DAB2IP: variants seen among roughly 807,000 people sequenced by gnomAD.
The protein encoded by DAB2IP is DAB2 interacting protein, also known as disabled homolog 2-interacting protein.
A neutral mutation model predicts 107.2 loss-of-function variants in DAB2IP; 28 were observed. That is an observed-to-expected ratio of 0.26 (90% CI 0.19 to 0.36). DAB2IP has a LOEUF of 0.36. Among genes scored for constraint, DAB2IP ranks in the 10% least tolerant of loss-of-function variants. The pLI is 1.00. For synonymous variants in DAB2IP, 755 were observed against 706.4 expected, an observed-to-expected ratio of 1.07 and a Z score of -1.09; for missense variants, 1,400 against 1,644.7, an observed-to-expected ratio of 0.85 and a Z score of 2.57.
intron 1 of DAB2IP, chr9:121,598,276 C>T (rs922513181): frequency 1.3e-5 from 2 of 152,288 alleles, no homozygotes; most frequent in African/African-American, 4.8e-5. Flanking sequence ...GCCGAATTAA[C>T]TGGTTCTGTC....
intron 1 of DAB2IP, among the ~76,000 whole-genome samples, chr9:121,644,658 A>G (rs1832478241): frequency 1.3e-5 from 2 of 152,172 alleles, no homozygotes; most frequent in South Asian, 4.1e-4. Flanking sequence ...AAAAGAAAAG[A>G]GCCAGGAGGG....
chr9:121,661,042 C>T (rs1833178978), intron 1 of DAB2IP, among the ~76,000 whole-genome samples: 1 of 151,928 alleles, frequency 6.6e-6, no homozygotes, highest in Non-Finnish European at 1.5e-5. Context: ...GGGATAAGGC[C>T]CTTGGAAAGG....
At chr9:121,626,592 T>G (rs1831656266) in intron 1 of DAB2IP, among the ~76,000 whole-genome samples, 1 of 151,638 alleles carries the variant, frequency 6.6e-6, no homozygotes, top group African/African-American at 2.4e-5. Context: ...CCCAGCTAAT[T>G]TTTATAGTTT....
chr9:121,776,119 C>T lies in DAB2IP; in HGVS notation c.3121-79C>T. 6 of 1,503,852 alleles carry T rather than the reference C, an allele frequency of 4.0e-6. No homozygotes were observed. Among genetic ancestry groups the T allele is most frequent in the South Asian group, 2.5e-5 (2 of 79,156 alleles). The allele number at this position is 1,503,852 out of a possible 1,614,324, so 93.2% of individuals were successfully genotyped here. A position where few individuals can be genotyped will look rare whatever the true frequency, so the allele number is the denominator to read the frequency against. Reference sequence around the variant, plus strand: ...CCTTTCAAGTGGGGCTCCCTCCTACCCTTCCTCCCACTCGGGCTGACGAAG... The same window carrying T: ...CCTTTCAAGTGGGGCTCCCTCCTACTCTTCCTCCCACTCGGGCTGACGAAG... On this transcript the variant is annotated intron_variant, in intron 13 of 15. Coordinates refer to ENST00000408936, the Ensembl canonical transcript of DAB2IP. The surrounding 1 kb of genome is among the most constrained non-coding windows in gnomAD (Gnocchi z 5.4).
rs35510547 is a variant in DAB2IP at position 121,757,127 on chromosome 9, C to G, written c.477C>G (p.Pro159=). ...TGGAGGAAGAGGTGGTCATCAAGCCCGTGCACAGCAGCATCCTTGGCCAGG... is the reference window on the plus strand; with the variant it reads ...TGGAGGAAGAGGTGGTCATCAAGCCGGTGCACAGCAGCATCCTTGGCCAGG... The change falls in exon 4 of 16, where the codon CCC becomes CCG. Residue 159 remains proline, a synonymous_variant. Coordinates refer to ENST00000408936, the Ensembl canonical transcript of DAB2IP. 9.4e-3 allele frequency: 15,110 copies of G among 1,614,164 alleles called. 199 individuals carry two copies. The highest frequency in any genetic ancestry group is 0.044 in the South Asian group (4,026 of 91,072).
intron 1 of DAB2IP, among the ~76,000 whole-genome samples, chr9:121,585,189 A>G (rs964893437): frequency 1.3e-5 from 2 of 152,190 alleles, no homozygotes; most frequent in Non-Finnish European, 2.9e-5. Context: ...CCTCAATAAA[A>G]TGCGGCCAAC....
chr9:121,627,473 G>A (rs1831702274), intron 1 of DAB2IP, among the ~76,000 whole-genome samples: 1 of 152,030 alleles, frequency 6.6e-6, no homozygotes, highest in African/African-American at 2.4e-5. Context: ...CTGAAGGATA[G>A]CATGTAGAAG....
intron 2 of DAB2IP, among the ~76,000 whole-genome samples, chr9:121,685,695 CT>C (rs1828840694): frequency 6.6e-6 from 1 of 152,376 alleles, no homozygotes; most frequent in Admixed American, 6.5e-5. Flanking sequence ...TCATCACCAA[CT>C]ATGTGTCAGG....
intron 2 of DAB2IP, among the ~76,000 whole-genome samples, chr9:121,687,147 C>G (rs1828925708): frequency 6.6e-6 from 1 of 152,166 alleles, no homozygotes; most frequent in African/African-American, 2.4e-5. Flanking sequence ...GGAGCTGGCC[C>G]AACAAGGTGT....
In DAB2IP at chr9:121,782,388, CAGCTGAAAG is replaced by C; in HGVS notation, c.3463_3471del (p.Leu1155_Glu1157del). ...TGCCCGCCTCATGAGTGCCCTGACCCAGCTGAAAGAGAGGTACAGCATGCAAGCCCGTAA... is the reference window on the plus strand; with the variant it reads ...TGCCCGCCTCATGAGTGCCCTGACCCAGAGGTACAGCATGCAAGCCCGTAA... On this transcript the variant is annotated inframe_deletion, in exon 16 of 16. Coordinates refer to ENST00000408936, the Ensembl canonical transcript of DAB2IP. This position sits in a 1 kb window ranked among gnomAD's most constrained non-coding sequence, Gnocchi z 6.1. 1 of 1,614,090 alleles carries C rather than the reference CAGCTGAAAG, an allele frequency of 6.2e-7. No homozygotes were observed. The highest frequency in any genetic ancestry group is 1.1e-5 in the South Asian group (1 of 91,082).
chr9:121,717,822 G>A (rs1037102576), intron 3 of DAB2IP, among the ~76,000 whole-genome samples: 1 of 152,176 alleles, frequency 6.6e-6, no homozygotes, highest in Non-Finnish European at 1.5e-5. Context: ...CTGGTCCAGG[G>A]GGAGGGCAGG....
At chr9:121,614,337 C>CTT (rs35959966) in intron 1 of DAB2IP, among the ~76,000 whole-genome samples, 4,579 of 102,640 alleles carry the variant, frequency 0.045, 299 homozygotes, top group African/African-American at 0.1. Flanking sequence ...TCTTTCTTTT[C>CTT]TTTTTTTTTT....
intron 6 of DAB2IP, among the ~76,000 whole-genome samples, chr9:121,761,650 G>A (rs755110827): frequency 6.6e-6 from 1 of 152,024 alleles, no homozygotes; most frequent in African/African-American, 2.4e-5. Context: ...CCATGGACCC[G>A]CGATGGGGAG....
intron 1 of DAB2IP, among the ~76,000 whole-genome samples, chr9:121,665,935 A>G (rs1833400931): frequency 6.6e-6 from 1 of 152,218 alleles, no homozygotes. Flanking sequence ...GGATCCATGG[A>G]TGTATTAGTG....
intron 6 of DAB2IP, among the ~76,000 whole-genome samples, chr9:121,762,554 T>G (rs1171613853): frequency 3.9e-5 from 6 of 152,118 alleles, no homozygotes; most frequent in Admixed American, 3.9e-4. Context: ...TGTGTCTAGA[T>G]CTCAGTTCTG....
rs374914981 is a variant in DAB2IP at position 121,756,931 on chromosome 9, G to A, written c.363-82G>A. ...AGTGGCTGCCTGCTGGAAGGGGCAC[G>A]GCCAGGGCAGATGGGTGGGACATGG... On this transcript the variant is annotated intron_variant, in intron 3 of 15. Transcript: ENST00000408936. 90 of 1,593,008 alleles carry A rather than the reference G, an allele frequency of 5.6e-5. No individual in the cohort carries two copies. The East Asian group carries it at 6.7e-4, about 12-fold the overall frequency.
chr9:121,696,462 G>C (rs1239090141), intron 2 of DAB2IP, among the ~76,000 whole-genome samples: 2 of 152,190 alleles, frequency 1.3e-5, no homozygotes, highest in African/African-American at 4.8e-5. Flanking sequence ...CCCAAGTTAG[G>C]GGCTGTAGCT....
rs1834833863 is a variant in DAB2IP, at chr9:121,772,488, C to CT, written c.2079-118dup. On this transcript the variant is annotated intron_variant, in intron 11 of 15. Coordinates refer to ENST00000408936, the Ensembl canonical transcript of DAB2IP. This position sits in a 1 kb window ranked among gnomAD's most constrained non-coding sequence, Gnocchi z 4.7. ...CCCCAGCGCATCCATCTCCCCAGCG[C>CT]TGGCTCAGGCTGCCAGGCCCCGGCA... The CT allele has an allele frequency of 5.3e-6, 6 of 1,135,696 alleles. No homozygotes were observed. In the South Asian group the frequency reaches 5.9e-5, roughly 11 times the overall value. The allele number at this position is 1,135,696 out of a possible 1,614,324, so 70.4% of individuals were successfully genotyped here.
At position 121,633,545 on chromosome 9, in the gene DAB2IP, T is replaced by C. The variant is rs1831971899; in HGVS notation, c.41-45133T>C. 6.6e-6 allele frequency among the ~76,000 whole-genome samples: 1 copy of C among 151,940 alleles called. No homozygotes were observed. The highest frequency in any genetic ancestry group is 2.4e-5 in the African/African-American group (1 of 41,368). Reference sequence around the variant, plus strand: ...AAGAACTTCCTGGCTGACTGTGGGGTGGTGTGAAATCCTGGAATGGGCTGC... The same window carrying C: ...AAGAACTTCCTGGCTGACTGTGGGGCGGTGTGAAATCCTGGAATGGGCTGC... On this transcript the variant is annotated intron_variant, in intron 1 of 16. Transcript: ENST00000259371. The surrounding 1 kb of genome is among the most constrained non-coding windows in gnomAD (Gnocchi z 5.1).
Sources: allele counts gnomAD v4.1 joint callset (sites outside exome capture counted in the v4.1 genomes callset), GRCh38; gene constraint gnomAD v4.1.1; non-coding constraint Gnocchi (gnomAD v3.1); transcripts MANE v1.5; gene names NCBI Gene and HGNC (gene_info 2026-07-23, HGNC 2026-07-21).